The following EFCAB6 variants were observed in gnomAD, a reference collection of about 807,000 sequenced individuals.
EFCAB6 encodes the protein EF-hand calcium binding domain 6.
Under a neutral mutation model 169.8 loss-of-function variants are expected in EFCAB6, and 156 were observed. The observed-to-expected ratio is 0.92, with a 90% CI of 0.81 to 1.05. The LOEUF is 1.05. Among genes scored for constraint, EFCAB6 ranks in the 50% least tolerant of loss-of-function variants. The probability of loss-of-function intolerance (pLI) is 0.00; values close to 1 mark genes in which losing one functional copy is unlikely to be tolerated. For missense variants in EFCAB6, 1,800 were observed against 1,829.1 expected (o/e 0.98, Z 0.29); for synonymous variants, 698 against 676.4 (o/e 1.03, Z -0.50).
Position 43,782,957 on chromosome 22 carries a change from G to A in EFCAB6, c.-7-632C>T, listed in dbSNP as rs898912226. Among the ~76,000 whole-genome samples the A allele has an allele frequency of 8.5e-5, 13 of 152,212 alleles. 1 individual carries two copies. In the South Asian group the frequency reaches 2.7e-3, roughly 32 times the overall value. Reference sequence around the variant, plus strand: ...TCACCTGCCTCCCCCTGCCCCAACAGCTTGGATGTAGCCTTGAAAACCATC... The same window carrying A: ...TCACCTGCCTCCCCCTGCCCCAACAACTTGGATGTAGCCTTGAAAACCATC... On this transcript the variant is annotated intron_variant, in intron 2 of 31. Transcript: ENST00000262726.
chr22:43,705,697 A>G (rs1049911438), intron 10 of EFCAB6, among the ~76,000 whole-genome samples: 2 of 152,196 alleles, frequency 1.3e-5, no homozygotes, highest in African/African-American at 4.8e-5. Flanking sequence ...AAGACAAACG[A>G]AAGTGGAAGC....
Position 43,654,329 on chromosome 22 carries a change from C to T in EFCAB6, c.1983+12775G>A, listed in dbSNP as rs540401273. On this transcript the variant is annotated intron_variant, in intron 17 of 31. Transcript: ENST00000262726. ...GTGCACCATGGATTTCTTCCAAAGA[C>T]GAAAATCTTTCCAATAACGAAGAGG... is the stretch of plus-strand genomic sequence containing the variant. Among the ~76,000 whole-genome samples the T allele has an allele frequency of 1.5e-4, 23 of 152,290 alleles. No homozygotes were observed. In the South Asian group the frequency reaches 1.7e-3, roughly 11 times the overall value.
chr22:43,602,710 A>G (rs1325906608), intron 22 of EFCAB6, among the ~76,000 whole-genome samples: 2 of 151,956 alleles, frequency 1.3e-5, no homozygotes, highest in Non-Finnish European at 2.9e-5. Flanking sequence ...CACCCACCTG[A>G]CAAGCAGCCC....
At chr22:43,697,284 C>T (rs996449314) in intron 10 of EFCAB6, among the ~76,000 whole-genome samples, 8 of 152,056 alleles carry the variant, frequency 5.3e-5, no homozygotes, top group Non-Finnish European at 1.2e-4. Context: ...CATCATGGAG[C>T]CATTAAAAAT....
At chr22:43,670,383 T>C (rs1375087761) in intron 15 of EFCAB6, among the ~76,000 whole-genome samples, 1 of 152,196 alleles carries the variant, frequency 6.6e-6, no homozygotes, top group African/African-American at 2.4e-5. Context: ...GCACATTCCC[T>C]ACCTTTGCTC....
intron 17 of EFCAB6, among the ~76,000 whole-genome samples, chr22:43,658,932 G>T (rs2056877048): frequency 6.6e-6 from 1 of 152,216 alleles, no homozygotes; most frequent in East Asian, 1.9e-4. Context: ...ATGTGAGGCT[G>T]CCACCGGTTT....
At chr22:43,788,721 C>T (rs2067693263) in intron 2 of EFCAB6, among the ~76,000 whole-genome samples, 1 of 152,226 alleles carries the variant, frequency 6.6e-6, no homozygotes, top group African/African-American at 2.4e-5. Flanking sequence ...AGCAATTTCA[C>T]TCCCAGGTAT....
chr22:43,595,059 A>G (rs2051892101), intron 23 of EFCAB6, among the ~76,000 whole-genome samples: 1 of 152,184 alleles, frequency 6.6e-6, no homozygotes, highest in Admixed American at 6.5e-5. Context: ...GAAGAAGATT[A>G]AAAATGTATT....
intron 4 of EFCAB6, among the ~76,000 whole-genome samples, chr22:43,770,182 T>C (rs1450333225): frequency 6.6e-6 from 1 of 152,114 alleles, no homozygotes; most frequent in African/African-American, 2.4e-5. Context: ...TTAAATTTTC[T>C]GTAGAGATGG....
intron 23 of EFCAB6, among the ~76,000 whole-genome samples, chr22:43,598,607 T>C (rs1463013842): frequency 6.6e-6 from 1 of 152,204 alleles, no homozygotes; most frequent in Non-Finnish European, 1.5e-5. Context: ...TCAAAGTAGC[T>C]AGATTTAATT....
Position 43,635,185 on chromosome 22 carries a change from T to G in EFCAB6, c.2015A>C (p.Asp672Ala). The change falls in exon 18 of 32, where the codon GAT (aspartate) becomes GCT (alanine). Residue 672 changes from aspartate (D) to alanine (A), a missense_variant. Asp to Ala is a moderately radical substitution (Grantham distance 126, BLOSUM62 -2). Coordinates refer to ENST00000262726, the MANE Select transcript of EFCAB6 (RefSeq NM_022785.4). ...AGTGGTCAGCAGGGCATACTGATCA[T>G]CGTCCATGGGCATCCCAGTGTCTTC... is the stretch of plus-strand genomic sequence containing the variant. The part of the protein sequence containing the change: ...VLEDTGMPMD[D>A]DQYALLTTKI... 1 of 1,614,134 alleles carries G rather than the reference T, an allele frequency of 6.2e-7. No homozygotes were observed. Among genetic ancestry groups the G allele is most frequent in the Non-Finnish European group, 8.5e-7 (1 of 1,180,020 alleles).
chr22:43,613,522 A>G (rs1013931067), intron 21 of EFCAB6, among the ~76,000 whole-genome samples: 6 of 152,164 alleles, frequency 3.9e-5, no homozygotes. Context: ...AGAAAACCAA[A>G]TTCTGCATGT....
intron 10 of EFCAB6, among the ~76,000 whole-genome samples, chr22:43,702,048 A>G (rs1174871074): frequency 6.6e-6 from 1 of 152,224 alleles, no homozygotes; most frequent in African/African-American, 2.4e-5. Flanking sequence ...GTCAGTGCCC[A>G]GGTACATGGG....
intron 17 of EFCAB6, 115 bp downstream of exon 17, chr22:43,666,989 C>T: frequency 1.6e-6 from 2 of 1,261,990 alleles, no homozygotes; most frequent in Non-Finnish European, 2.1e-6. Flanking sequence ...TTGAAAGATG[C>T]CTAGAAATGG....
At chr22:43,557,909 G>C (rs1246365220) in intron 26 of EFCAB6, among the ~76,000 whole-genome samples, 3 of 152,200 alleles carry the variant, frequency 2.0e-5, no homozygotes, top group Non-Finnish European at 2.9e-5. Context: ...ACAGATAGCA[G>C]AGGCATTTGA....
chr22:43,545,781 A>T (rs867404393), intron 27 of EFCAB6, among the ~76,000 whole-genome samples: 13 of 152,356 alleles, frequency 8.5e-5, no homozygotes, highest in Middle Eastern at 3.4e-3. Context: ...TGGGACCCCA[A>T]GGTGGAGGAA....
At chr22:43,635,061 C>A (rs1434798129) in intron 18 of EFCAB6, 41 bp downstream of exon 18, 1 of 1,547,550 alleles carries the variant, frequency 6.5e-7, no homozygotes, top group Non-Finnish European at 8.9e-7. Context: ...CAGTGTCACC[C>A]AGGACGCATC....
chr22:43,613,328 C>T (rs1053237704), intron 21 of EFCAB6, among the ~76,000 whole-genome samples: 5 of 151,838 alleles, frequency 3.3e-5, no homozygotes, highest in Non-Finnish European at 5.9e-5. Context: ...CACTGCAGCA[C>T]TATTCATGAT....
rs1400512612 is a variant in EFCAB6, at chr22:43,716,847, CT to C, written c.882del (p.Gln294HisfsTer29). On this transcript the variant is annotated frameshift_variant and splice_region_variant, in exon 9 of 32. Coordinates refer to ENST00000262726, the MANE Select transcript of EFCAB6 (RefSeq NM_022785.4). LOFTEE classifies it high-confidence loss of function. ...AATTGTGGCTTAGGAAAACATCTTA[CT>C]TGTAGACAAAAGTTCCTCTCAATTT... is the stretch of plus-strand genomic sequence containing the variant. ...LDEIERNFCL[Q>X]LSKSYEKVEK... 1.2e-6 allele frequency: 2 copies of C among 1,602,240 alleles called. No individual in the cohort carries two copies. Among genetic ancestry groups the C allele is most frequent in the Non-Finnish European group, 1.7e-6 (2 of 1,175,048 alleles).
Sources: gnomAD v4.1 joint callset for allele counts (sites outside exome capture counted in the v4.1 genomes callset) on GRCh38, gnomAD v4.1.1 for gene constraint, MANE v1.5 for transcripts, NCBI Gene and HGNC (gene_info 2026-07-23, HGNC 2026-07-21) for gene names.